PCSK5: variants seen among roughly 807,000 people sequenced by gnomAD.
The protein encoded by PCSK5 is proprotein convertase subtilisin/kexin type 5, also known as prohormone convertase 5.
A neutral mutation model predicts 233.2 loss-of-function variants in PCSK5; 129 were observed. The ratio of observed to expected loss-of-function variants is 0.55; its 90% CI spans 0.48 to 0.64. PCSK5 has a LOEUF of 0.64. PCSK5 is among the 30% of genes least tolerant of loss of function. PCSK5 has a pLI of 0.00. For synonymous variants in PCSK5, 825 were observed against 879.2 expected, an observed-to-expected ratio of 0.94 and a Z score of 1.09; for missense variants, 2,076 against 2,430.1, an observed-to-expected ratio of 0.85 and a Z score of 3.06.
At chr9:76,247,554 C>CA (rs977818711) in intron 24 of PCSK5, among the ~76,000 whole-genome samples, 1 of 152,172 alleles carries the variant, frequency 6.6e-6, no homozygotes, top group African/African-American at 2.4e-5. Context: ...TGGATGAAGT[C>CA]ACCTTCCCAG....
intron 20 of PCSK5, chr9:76,205,091 ATCTG>A: frequency 1.9e-6 from 1 of 518,638 alleles, no homozygotes; most frequent in South Asian, 1.4e-5. Flanking sequence ...CTCTCACCAT[ATCTG>A]TCATTTCTTT....
intron 37 of PCSK5, 71 bp downstream of exon 37, chr9:76,354,290 G>A (rs992864293): frequency 2.2e-5 from 28 of 1,255,422 alleles, no homozygotes; most frequent in African/African-American, 2.1e-4. Flanking sequence ...GCAGAGGGAG[G>A]GGGGGATGGA....
chr9:76,279,249 T>A (rs975466455), intron 24 of PCSK5, among the ~76,000 whole-genome samples: 2 of 150,896 alleles, frequency 1.3e-5, no homozygotes, highest in Non-Finnish European at 2.9e-5. Flanking sequence ...AACTCATCAT[T>A]TTTTATGGCT....
chr9:76,067,988 C>A lies in PCSK5; in HGVS notation c.666C>A (p.Ala222=). Residue 222 remains alanine (A), a synonymous_variant, in exon 6 of 38, where the codon GCC becomes GCA. Transcript: ENST00000674117. The part of the protein sequence containing the change: ...HGTRCAGEVA[A]AANNSHCTVG... The stretch of plus-strand genomic sequence containing the variant: ...CTCGCTGTGCTGGAGAAGTGGCAGC[C>A]GCTGCAAACAATTCGCACTGCACAG... The A allele has an allele frequency of 6.2e-7, 1 of 1,613,920 alleles. No individual in the cohort carries two copies. The highest frequency in any genetic ancestry group is 8.5e-7 in the Non-Finnish European group (1 of 1,179,928).
intron 10 of PCSK5, among the ~76,000 whole-genome samples, chr9:76,141,567 C>T (rs10869707): frequency 0.19 from 28,238 of 151,830 alleles, 3,737 homozygotes; most frequent in East Asian, 0.59. Context: ...GTGACCATCA[C>T]CACAGTCGAG....
At position 76,333,775 on chromosome 9, in the gene PCSK5, C is replaced by T. The variant is rs557818341; in HGVS notation, c.4748+1165C>T. Among the ~76,000 whole-genome samples, 7 of 152,300 alleles carry T rather than the reference C, an allele frequency of 4.6e-5. No individual in the cohort carries two copies. In the South Asian group the frequency reaches 1.2e-3, roughly 27 times the overall value. On this transcript the variant is annotated intron_variant, in intron 34 of 37. Transcript: ENST00000674117. ...TTTCACCCAAATTGACACATCTCTT[C>T]GGTCCTATAGCAGTTACTGCTTGTT...
intron 3 of PCSK5, among the ~76,000 whole-genome samples, chr9:76,009,636 AAAAAAAC>A (rs748231277): frequency 4.6e-5 from 7 of 151,850 alleles, no homozygotes; most frequent in Non-Finnish European, 8.8e-5. Flanking sequence ...AAGGAAAAAA[AAAAAAAC>A]AAAAAAGAAA....
chr9:76,078,272 T>C (rs1317903601), intron 7 of PCSK5, among the ~76,000 whole-genome samples: 1 of 152,222 alleles, frequency 6.6e-6, no homozygotes, highest in Admixed American at 6.5e-5. Flanking sequence ...CAGAAGCTTT[T>C]TAGTTTAATT....
intron 8 of PCSK5, among the ~76,000 whole-genome samples, chr9:76,097,242 A>ACTTCT (rs1831561758): frequency 1.8e-5 from 1 of 56,770 alleles, no homozygotes; most frequent in East Asian, 5.4e-4. Flanking sequence ...CAAAAAGTGC[A>ACTTCT]TTTCTTTTTT....
intron 1 of PCSK5, among the ~76,000 whole-genome samples, chr9:75,911,232 T>TG (rs1822721908): frequency 7.4e-6 from 1 of 135,354 alleles, no homozygotes; most frequent in East Asian, 2.1e-4. Context: ...TTTTTTTTTT[T>TG]GCTAAGCTAT....
At chr9:75,987,091 C>G (rs1243131976) in intron 3 of PCSK5, among the ~76,000 whole-genome samples, 3 of 152,284 alleles carry the variant, frequency 2.0e-5, no homozygotes, top group South Asian at 4.1e-4. Context: ...GTTCCTGCTT[C>G]TTTACAAAAT....
At chr9:75,933,640 A>G (rs10869666) in intron 2 of PCSK5, among the ~76,000 whole-genome samples, 41,016 of 152,118 alleles carry the variant, frequency 0.27, 5,597 homozygotes, top group East Asian at 0.34. Context: ...TGATTATGAA[A>G]TTGTAACTTG....
intron 24 of PCSK5, among the ~76,000 whole-genome samples, chr9:76,277,532 T>C (rs762237780): frequency 6.6e-6 from 1 of 152,236 alleles, no homozygotes; most frequent in Non-Finnish European, 1.5e-5. Context: ...TTTCAATTAC[T>C]TATTCCAGTC....
intron 33 of PCSK5, among the ~76,000 whole-genome samples, chr9:76,329,176 A>G (rs897149905): frequency 1.3e-5 from 2 of 151,532 alleles, no homozygotes; most frequent in Admixed American, 6.6e-5. Flanking sequence ...CGCAGTACCC[A>G]GGCTGTTGGA....
intron 5 of PCSK5, among the ~76,000 whole-genome samples, chr9:76,066,846 G>A (rs1830305166): frequency 1.3e-5 from 2 of 152,124 alleles, no homozygotes; most frequent in East Asian, 1.9e-4. Flanking sequence ...AAATGGATTT[G>A]GGGGCTTGAG....
chr9:76,228,914 A>G (rs1471828202), intron 21 of PCSK5, among the ~76,000 whole-genome samples: 3 of 152,196 alleles, frequency 2.0e-5, no homozygotes, highest in Non-Finnish European at 4.4e-5. Flanking sequence ...TCAACACATA[A>G]TTCAATAAAT....
chr9:76,289,517 TACACACACACACAC>T (rs138282168), intron 24 of PCSK5, among the ~76,000 whole-genome samples: 2 of 119,348 alleles, frequency 1.7e-5, no homozygotes, highest in African/African-American at 3.2e-5. Flanking sequence ...ACACGCAACA[TACACACACACACAC>T]ACACACACAC....
At chr9:76,051,868 T>A (rs1376644904) in intron 5 of PCSK5, among the ~76,000 whole-genome samples, 1 of 152,166 alleles carries the variant, frequency 6.6e-6, no homozygotes, top group Non-Finnish European at 1.5e-5. Flanking sequence ...TGGATCTAAG[T>A]CTCAGAAGAC....
chr9:76,093,196 G>A (rs1831370565), intron 7 of PCSK5, among the ~76,000 whole-genome samples: 1 of 144,490 alleles, frequency 6.9e-6, no homozygotes, highest in Non-Finnish European at 1.5e-5. Context: ...CTGGCTCCAA[G>A]CAATCCTTCC....
Sources: allele counts gnomAD v4.1 joint callset (sites outside exome capture counted in the v4.1 genomes callset), GRCh38; gene constraint gnomAD v4.1.1; transcripts MANE v1.5; gene names NCBI Gene and HGNC (gene_info 2026-07-23, HGNC 2026-07-21).